IL1RN: variants seen among roughly 807,000 people sequenced by gnomAD.
IL1RN encodes interleukin 1 receptor antagonist, also known as interleukin-1 receptor antagonist protein.
A neutral mutation model predicts 13.7 loss-of-function variants in IL1RN; 10 were observed. The ratio of observed to expected loss-of-function variants is 0.73; its 90% CI spans 0.45 to 1.24. The LOEUF (loss-of-function observed/expected upper bound fraction) is 1.24, where lower values mean the gene tolerates loss of function less well. IL1RN is among the 50% of genes most tolerant of loss of function. The pLI is 0.00. For missense variants in IL1RN, 213 were observed against 222.1 expected, an observed-to-expected ratio of 0.96 and a Z score of 0.26; for synonymous variants, 102 against 82.7, an observed-to-expected ratio of 1.23 and a Z score of -1.27.
At chr2:113,129,806 G>T in intron 2 of IL1RN, 142 bp downstream of exon 2, 1 of 697,870 alleles carries the variant, frequency 1.4e-6, no homozygotes. Flanking sequence ...TTTGAAGCTG[G>T]GAGGGCCTGG....
intron 2 of IL1RN, among the ~76,000 whole-genome samples, chr2:113,130,278 C>T (rs925084877): frequency 6.6e-6 from 1 of 152,244 alleles, no homozygotes; most frequent in Admixed American, 6.5e-5. Context: ...CCCACCTTCC[C>T]TATGCCCTGG....
At chr2:113,100,150 G>A in the IL1RN span, among the ~76,000 whole-genome samples, 8 of 150,292 alleles carry the variant, frequency 5.3e-5, no homozygotes, top group Non-Finnish European at 1.2e-4. Context: ...GTGAAACCCC[G>A]TCTCTACTAA....
At chr2:113,131,920 AG>A (rs1436801824) in intron 3 of IL1RN, among the ~76,000 whole-genome samples, 1 of 152,148 alleles carries the variant, frequency 6.6e-6, no homozygotes, top group Non-Finnish European at 1.5e-5. Flanking sequence ...ACTGTTCTGG[AG>A]GGTGACTGCC....
intron 2 of IL1RN, among the ~76,000 whole-genome samples, chr2:113,121,821 T>G (rs1686792777): frequency 6.6e-6 from 1 of 152,220 alleles, no homozygotes; most frequent in Non-Finnish European, 1.5e-5. Context: ...CTTAGGGAGC[T>G]TCTAATAAGT....
intron 2 of IL1RN, among the ~76,000 whole-genome samples, chr2:113,121,086 CTTCT>C (rs1686764947): frequency 1.4e-5 from 2 of 147,468 alleles, no homozygotes; most frequent in Admixed American, 6.9e-5. Context: ...TCTTCTTCTT[CTTCT>C]TCTTCCTCTT....
chr2:113,124,318 G>A (rs1192587055), upstream of IL1RN, among the ~76,000 whole-genome samples: 7 of 152,190 alleles, frequency 4.6e-5, no homozygotes, highest in Admixed American at 3.9e-4. Context: ...TCATAAGGAC[G>A]CCAACTGTTT....
At chr2:113,100,094 G>T in the IL1RN span, among the ~76,000 whole-genome samples, 1 of 146,052 alleles carries the variant, frequency 6.8e-6, no homozygotes, top group South Asian at 2.2e-4. Context: ...AGGCCGAGGC[G>T]GGCAGATCAC....
At chr2:113,127,223 G>T (rs770040337), upstream of IL1RN, among the ~76,000 whole-genome samples, 5 of 152,154 alleles carry the variant, frequency 3.3e-5, no homozygotes, top group African/African-American at 4.8e-5. Context: ...TGTGCAGGGA[G>T]CCCTATCATT....
At chr2:113,105,864 T>C (rs1686378388), upstream of IL1RN, among the ~76,000 whole-genome samples, 1 of 152,232 alleles carries the variant, frequency 6.6e-6, no homozygotes, top group Non-Finnish European at 1.5e-5. Flanking sequence ...TATATTGTAA[T>C]GTTCCCTGAA....
the IL1RN span, among the ~76,000 whole-genome samples, chr2:113,099,646 T>C: frequency 1.3e-5 from 2 of 151,514 alleles, no homozygotes; most frequent in African/African-American, 4.8e-5. Context: ...CTCCATACAC[T>C]GCTCTGTTCA....
chr2:113,126,963 A>G (rs1686982756), upstream of IL1RN, among the ~76,000 whole-genome samples: 1 of 152,262 alleles, frequency 6.6e-6, no homozygotes, highest in Admixed American at 6.5e-5. Context: ...ATCAGGGGTC[A>G]GCAGACTCAG....
upstream of IL1RN, among the ~76,000 whole-genome samples, chr2:113,106,007 GA>G (rs1322444452): frequency 6.6e-6 from 1 of 152,180 alleles, no homozygotes; most frequent in African/African-American, 2.4e-5. Context: ...ACCAATGTTG[GA>G]AAATGGGCTT....
intron 1 of IL1RN, among the ~76,000 whole-genome samples, chr2:113,118,661 C>T (rs141510379): frequency 7.9e-5 from 12 of 152,314 alleles, no homozygotes; most frequent in South Asian, 2.1e-4. Flanking sequence ...TTGCAACCTC[C>T]GGTTAGGATT....
intron 1 of IL1RN, among the ~76,000 whole-genome samples, chr2:113,118,904 G>C (rs1341147713): frequency 6.6e-6 from 1 of 152,144 alleles, no homozygotes; most frequent in Non-Finnish European, 1.5e-5. Flanking sequence ...GGGCATGGTG[G>C]TGCATGTCTG....
At chr2:113,124,299 G>T (rs1430074180), upstream of IL1RN, among the ~76,000 whole-genome samples, 2 of 152,180 alleles carry the variant, frequency 1.3e-5, no homozygotes, top group Non-Finnish European at 2.9e-5. Context: ...GATTTCCTGT[G>T]GGCAGAAATC....
chr2:113,131,595 G>A (rs1687173947), intron 3 of IL1RN, among the ~76,000 whole-genome samples: 2 of 152,154 alleles, frequency 1.3e-5, no homozygotes, highest in South Asian at 4.2e-4. Flanking sequence ...GGTCACTGGG[G>A]GCCACCACTG....
At chr2:113,113,908 G>A (rs1686544967), upstream of IL1RN, among the ~76,000 whole-genome samples, 1 of 152,182 alleles carries the variant, frequency 6.6e-6, no homozygotes, top group South Asian at 2.1e-4. Context: ...TGCCAATGTA[G>A]TCAAGGATTC....
chr2:113,131,240 T>C, intron 3 of IL1RN, 83 bp downstream of exon 3: 1 of 828,836 alleles, frequency 1.2e-6, no homozygotes, highest in South Asian at 1.4e-5. Flanking sequence ...ATTCTGTGGG[T>C]TGACCAGGAT....
At chr2:113,117,173 G>C (rs776538796), upstream of IL1RN, among the ~76,000 whole-genome samples, 31 of 152,262 alleles carry the variant, frequency 2.0e-4, no homozygotes, top group Non-Finnish European at 3.7e-4. Context: ...AGAGAAAGCA[G>C]GGAGAGAGTA....
Sources: allele counts gnomAD v4.1 joint callset (sites outside exome capture counted in the v4.1 genomes callset), GRCh38; gene constraint gnomAD v4.1.1; transcripts MANE v1.5; gene names NCBI Gene and HGNC (gene_info 2026-07-23, HGNC 2026-07-21).